BCKDHB: variants seen among roughly 807,000 people sequenced by gnomAD.
The protein encoded by BCKDHB is branched chain keto acid dehydrogenase E1 subunit beta, also known as 2-oxoisovalerate dehydrogenase subunit beta, mitochondrial.
In BCKDHB, 41 loss-of-function variants were observed where a neutral mutation model predicts 48.5. That is an observed-to-expected ratio of 0.85 (90% CI 0.66 to 1.10). BCKDHB has a LOEUF of 1.10. Among genes scored for constraint, BCKDHB ranks in the 50% least tolerant of loss-of-function variants. BCKDHB has a pLI of 0.00. For synonymous variants in BCKDHB, 201 were observed against 174.8 expected (o/e 1.15, Z -1.18); for missense variants, 496 against 494.2 (o/e 1.00, Z -0.03).
intron 3 of BCKDHB, among the ~76,000 whole-genome samples, chr6:80,165,814 G>A (rs926656917): frequency 1.3e-5 from 2 of 152,156 alleles, no homozygotes; most frequent in African/African-American, 4.8e-5. Flanking sequence ...CTTTTAACTG[G>A]GAGAGATTAT....
chr6:80,188,182 A>G (rs1023801333), intron 6 of BCKDHB, among the ~76,000 whole-genome samples: 1 of 152,198 alleles, frequency 6.6e-6, no homozygotes, highest in African/African-American at 2.4e-5. Context: ...TGCAGGACAT[A>G]TCTGGAGGCC....
At chr6:80,447,818 A>T in the BCKDHB span, among the ~76,000 whole-genome samples, 1 of 152,154 alleles carries the variant, frequency 6.6e-6, no homozygotes, top group South Asian at 2.1e-4. Flanking sequence ...CTCTCTGTTC[A>T]ATACCTCATT....
chr6:80,466,520 A>C, the BCKDHB span, among the ~76,000 whole-genome samples: 1 of 152,038 alleles, frequency 6.6e-6, no homozygotes, highest in Non-Finnish European at 1.5e-5. Flanking sequence ...CACACACACA[A>C]TATATATATA....
intron 8 of BCKDHB, among the ~76,000 whole-genome samples, chr6:80,215,719 T>C (rs2127849366): frequency 6.6e-6 from 1 of 152,342 alleles, no homozygotes; most frequent in East Asian, 1.9e-4. Flanking sequence ...ATAATAACTA[T>C]GGGTTCTGAC....
chr6:80,285,956 G>A (rs1407516298), intron 9 of BCKDHB, among the ~76,000 whole-genome samples: 5 of 152,012 alleles, frequency 3.3e-5, no homozygotes, highest in Non-Finnish European at 4.4e-5. Context: ...GTGTGTGTGT[G>A]TATATGTGTG....
At chr6:80,385,582 C>T in the BCKDHB span, among the ~76,000 whole-genome samples, 2 of 152,188 alleles carry the variant, frequency 1.3e-5, no homozygotes, top group Admixed American at 6.5e-5. Flanking sequence ...AGGAGATAAA[C>T]CCTGCACTGC....
the BCKDHB span, among the ~76,000 whole-genome samples, chr6:80,430,497 C>CTT: frequency 1.3e-5 from 2 of 152,022 alleles, no homozygotes; most frequent in Non-Finnish European, 2.9e-5. Context: ...TGGTCCTGGA[C>CTT]TTTTTTTGGT....
At chr6:80,250,284 A>G (rs1442287870) in intron 8 of BCKDHB, among the ~76,000 whole-genome samples, 1 of 152,184 alleles carries the variant, frequency 6.6e-6, no homozygotes, top group Non-Finnish European at 1.5e-5. Flanking sequence ...ATTTACTCCT[A>G]ACTCTCAAAA....
At chr6:80,436,147 CTTTTT>C in the BCKDHB span, among the ~76,000 whole-genome samples, 13 of 70,372 alleles carry the variant, frequency 1.8e-4, no homozygotes, top group African/African-American at 5.5e-4. Context: ...AAATTCTTTT[CTTTTT>C]TTTTTTTTTT....
chr6:80,417,201 A>G, the BCKDHB span, among the ~76,000 whole-genome samples: 12 of 152,002 alleles, frequency 7.9e-5, no homozygotes, highest in South Asian at 2.1e-4. Context: ...TTTGCTGGGT[A>G]GATTTTTCTC....
the BCKDHB span, among the ~76,000 whole-genome samples, chr6:80,411,330 G>A: frequency 2.0e-5 from 3 of 152,146 alleles, no homozygotes; most frequent in East Asian, 5.8e-4. Context: ...TCCTTCCTCT[G>A]GAAGCTTCAT....
At chr6:80,122,749 A>G (rs1042175884) in intron 1 of BCKDHB, among the ~76,000 whole-genome samples, 9 of 152,346 alleles carry the variant, frequency 5.9e-5, no homozygotes, top group African/African-American at 1.7e-4. Context: ...ATAAGGGTCT[A>G]TCTTCAGCTT....
the BCKDHB span, among the ~76,000 whole-genome samples, chr6:80,360,146 A>C: frequency 9.8e-5 from 15 of 152,318 alleles, 1 homozygote; most frequent in South Asian, 2.9e-3. Context: ...CAAGTGAACA[A>C]TACTTTATTT....
chr6:80,431,570 T>C, the BCKDHB span, among the ~76,000 whole-genome samples: 3 of 152,256 alleles, frequency 2.0e-5, no homozygotes, highest in Non-Finnish European at 2.9e-5. Flanking sequence ...TTTACCATTA[T>C]GTAATGCCCT....
At chr6:80,409,575 C>CATAT in the BCKDHB span, among the ~76,000 whole-genome samples, 79 of 50,284 alleles carry the variant, frequency 1.6e-3, 1 homozygote, top group Middle Eastern at 0.016. Context: ...GTATTGGTTG[C>CATAT]ATATATATAT....
Position 80,191,560 on chromosome 6 carries a change from C to G in BCKDHB, c.743-9374C>G, listed in dbSNP as rs569021275. ...TGATTCTAAGCTACCCCTTCCCCCC[C>G]TCATGTTTTAATATCTCTGGTATTG... On this transcript the variant is annotated intron_variant, in intron 6 of 9. Transcript: ENST00000320393. Among the ~76,000 whole-genome samples, 4 of 152,264 alleles carry G rather than the reference C, an allele frequency of 2.6e-5. No homozygotes were observed. In the South Asian group the frequency reaches 6.2e-4, roughly 24 times the overall value.
chr6:80,157,722 G>T (rs1033595061), intron 3 of BCKDHB, among the ~76,000 whole-genome samples: 1 of 151,182 alleles, frequency 6.6e-6, no homozygotes, highest in African/African-American at 2.4e-5. Flanking sequence ...CAGGTGATCC[G>T]CCCACCTCGG....
the BCKDHB span, among the ~76,000 whole-genome samples, chr6:80,358,770 T>C: frequency 8.3e-4 from 126 of 152,338 alleles, no homozygotes; most frequent in Non-Finnish European, 1.6e-3. Context: ...TTTTACTTTG[T>C]AGCGATGGGG....
rs561939955 is a variant in BCKDHB at position 80,192,880 on chromosome 6, G to A, written c.743-8054G>A. Among the ~76,000 whole-genome samples the A allele has an allele frequency of 2.3e-3, 338 of 149,666 alleles. 1 individual carries two copies. Among genetic ancestry groups the A allele is most frequent in the African/African-American group, 7.7e-3 (311 of 40,512 alleles). On this transcript the variant is annotated intron_variant, in intron 6 of 9. Transcript: ENST00000320393. The stretch of plus-strand genomic sequence containing the variant: ...GTTGCCCAGGCTGGAGTGCAGTGGT[G>A]TGATCTCAGCTCACTGCAACCTCCA...
Sources: gnomAD v4.1 joint callset for allele counts (sites outside exome capture counted in the v4.1 genomes callset) on GRCh38, gnomAD v4.1.1 for gene constraint, MANE v1.5 for transcripts, NCBI Gene and HGNC (gene_info 2026-07-23, HGNC 2026-07-21) for gene names.